The following ASB4 variants were observed in gnomAD, a reference collection of about 807,000 sequenced individuals.
ASB4 encodes ankyrin repeat and SOCS box protein 4.
Under a neutral mutation model 38.6 loss-of-function variants are expected in ASB4, and 35 were observed. The observed-to-expected ratio is 0.91, with a 90% confidence interval of 0.69 to 1.20. The LOEUF (loss-of-function observed/expected upper bound fraction) is 1.20. ASB4 is among the 50% of genes most tolerant of loss of function. The pLI is 0.00. For synonymous variants in ASB4, 195 were observed against 201.3 expected, an observed-to-expected ratio of 0.97 and a Z score of 0.26; for missense variants, 557 against 527.2, an observed-to-expected ratio of 1.06 and a Z score of -0.55.
In ASB4 at chr7:95,540,207, T is replaced by A. The variant is rs1473610574; in HGVS notation, c.*2448T>A. 1 of 152,190 alleles carries A rather than the reference T, an allele frequency of 6.6e-6. No individual in the cohort carries two copies. The highest frequency in any genetic ancestry group is 1.5e-5 in the Non-Finnish European group (1 of 68,030). 9.4% of individuals were successfully genotyped at this position (152,190 alleles called of 1,614,324 possible). A position where few individuals can be genotyped will look rare whatever the true frequency, so the allele number is the denominator to read the frequency against. The stretch of plus-strand genomic sequence containing the variant: ...TCTTTGAACTTTTATTTAGAGAACT[T>A]AAATAAAGCTCTTCTGTCTCCTTTC... On this transcript the variant is annotated 3_prime_UTR_variant, in exon 5 of 5. Coordinates refer to ENST00000325885, the MANE Select transcript of ASB4 (RefSeq NM_016116.3).
upstream of ASB4, among the ~76,000 whole-genome samples, chr7:95,476,420 C>T (rs1434336042): frequency 6.6e-6 from 1 of 152,108 alleles, no homozygotes; most frequent in Non-Finnish European, 1.5e-5. Flanking sequence ...ATAGAAAGCT[C>T]ACAGCCCATG....
intron 3 of ASB4, among the ~76,000 whole-genome samples, chr7:95,531,864 C>T (rs1456176116): frequency 6.6e-6 from 1 of 152,176 alleles, no homozygotes; most frequent in Non-Finnish European, 1.5e-5. Context: ...AGTAGGCATA[C>T]AATTTTGTGT....
intron 2 of ASB4, among the ~76,000 whole-genome samples, chr7:95,505,697 CCA>C (rs1381331312): frequency 7.1e-5 from 10 of 141,796 alleles, no homozygotes; most frequent in South Asian, 2.5e-4. Flanking sequence ...CCCCCCCCCC[CCA>C]AATACTTATT....
At chr7:95,482,525 G>C (rs1416599628), upstream of ASB4, among the ~76,000 whole-genome samples, 1 of 152,166 alleles carries the variant, frequency 6.6e-6, no homozygotes, top group East Asian at 1.9e-4. Flanking sequence ...TACAAAGACA[G>C]CCGTTGTGAG....
intron 4 of ASB4, 85 bp downstream of exon 4, chr7:95,536,635 G>A: frequency 1.9e-6 from 2 of 1,030,090 alleles, no homozygotes; most frequent in Admixed American, 4.8e-5. Flanking sequence ...TAACAAAAAA[G>A]TTGGTTTTGA....
chr7:95,485,498 A>G (rs1438354454), upstream of ASB4, among the ~76,000 whole-genome samples: 5 of 152,130 alleles, frequency 3.3e-5, no homozygotes, highest in Non-Finnish European at 7.4e-5. Context: ...TCATATTGCA[A>G]AATTATTACA....
At chr7:95,488,675 G>C (rs11971756) in intron 1 of ASB4, among the ~76,000 whole-genome samples, 55,302 of 152,036 alleles carry the variant, frequency 0.36, 10,753 homozygotes, top group East Asian at 0.73. Context: ...GACCTTGGAC[G>C]CTGTTGAACT....
At chr7:95,521,106 A>G (rs898787676) in intron 2 of ASB4, among the ~76,000 whole-genome samples, 4 of 152,188 alleles carry the variant, frequency 2.6e-5, no homozygotes, top group African/African-American at 7.2e-5. Flanking sequence ...TTATGAACAT[A>G]GTAAAACTTT....
chr7:95,493,175 A>G (rs1769865820), intron 1 of ASB4, among the ~76,000 whole-genome samples: 2 of 152,206 alleles, frequency 1.3e-5, no homozygotes, highest in Non-Finnish European at 2.9e-5. Flanking sequence ...TTAGCTGAAT[A>G]TAGATTCTTC....
At chr7:95,501,016 T>C (rs893462470) in intron 2 of ASB4, among the ~76,000 whole-genome samples, 1 of 152,216 alleles carries the variant, frequency 6.6e-6, no homozygotes, top group African/African-American at 2.4e-5. Context: ...TTAGATTTAG[T>C]TTTTATCTTT....
chr7:95,496,131 T>C, intron 2 of ASB4, 74 bp downstream of exon 2: 1 of 1,384,164 alleles, frequency 7.2e-7, no homozygotes, highest in Non-Finnish European at 1.0e-6. Flanking sequence ...GACCCCTACC[T>C]ACCCCAGATG....
At chr7:95,534,466 TC>T (rs745539840) in intron 3 of ASB4, among the ~76,000 whole-genome samples, 10 of 152,280 alleles carry the variant, frequency 6.6e-5, no homozygotes, top group Non-Finnish European at 1.3e-4. Flanking sequence ...CAAGTTGTAT[TC>T]TTTCTTCCTC....
At chr7:95,515,281 CTTTCTT>C (rs1585810242) in intron 2 of ASB4, among the ~76,000 whole-genome samples, 1 of 103,468 alleles carries the variant, frequency 9.7e-6, no homozygotes, top group Non-Finnish European at 2.0e-5. Context: ...TTCTTTCTTT[CTTTCTT>C]TCTTTCTTTC....
At chr7:95,498,449 T>A (rs1414351032) in intron 2 of ASB4, among the ~76,000 whole-genome samples, 1 of 152,228 alleles carries the variant, frequency 6.6e-6, no homozygotes. Context: ...TGACTAAGGA[T>A]GTTGAACATG....
chr7:95,515,303 TTC>T lies in ASB4; in HGVS notation c.488-12508_488-12507del, dbSNP rs781539523. ...TTTCTTTCTTTCTTTCTTTCTTTCT[TTC>T]TTTCTTTCTTTCTTCCTTCCTTCCT... is the stretch of plus-strand genomic sequence containing the variant. On this transcript the variant is annotated intron_variant, in intron 2 of 4. Transcript: ENST00000325885. Among the ~76,000 whole-genome samples the T allele has an allele frequency of 1.2e-3, 155 of 130,964 alleles. 1 individual carries two copies. Among genetic ancestry groups the T allele is most frequent in the Non-Finnish European group, 1.7e-3 (104 of 61,180 alleles). The allele number at this position is 130,964 out of a possible 152,430, so 85.9% of individuals were successfully genotyped here.
chr7:95,508,513 G>A (rs973525661), intron 2 of ASB4, among the ~76,000 whole-genome samples: 5 of 152,308 alleles, frequency 3.3e-5, no homozygotes, highest in East Asian at 1.9e-4. Flanking sequence ...AAGTCAAACA[G>A]AGAAACACTG....
Position 95,495,958 on chromosome 7 carries a change from G to A in ASB4, c.388G>A (p.Gly130Arg). 6.2e-7 allele frequency: 1 copy of A among 1,614,056 alleles called. No homozygotes were observed. Among genetic ancestry groups the A allele is most frequent in the Non-Finnish European group, 8.5e-7 (1 of 1,179,978 alleles). ...VDCVKILCDR[G>R]AKLNCYSLSG... is the part of the protein sequence containing the mutation. Reference sequence around the variant, plus strand: ...TTGTGTTAAGATCCTCTGTGATCGTGGGGCAAAGCTCAATTGCTACTCCTT... The same window carrying A: ...TTGTGTTAAGATCCTCTGTGATCGTAGGGCAAAGCTCAATTGCTACTCCTT... Residue 130 changes from glycine to arginine, a missense_variant, in exon 2 of 5, where the codon GGG becomes AGG. Transcript: ENST00000325885.
At chr7:95,521,109 A>C (rs1232590731) in intron 2 of ASB4, among the ~76,000 whole-genome samples, 1 of 152,176 alleles carries the variant, frequency 6.6e-6, no homozygotes, top group African/African-American at 2.4e-5. Flanking sequence ...TGAACATAGT[A>C]AAACTTTCCA....
intron 2 of ASB4, among the ~76,000 whole-genome samples, chr7:95,525,188 CA>C (rs1790720351): frequency 6.6e-6 from 1 of 152,122 alleles, no homozygotes; most frequent in African/African-American, 2.4e-5. Flanking sequence ...GATTCTCCTC[CA>C]AAGTCTCTGG....
Sources: gnomAD v4.1 joint callset for allele counts (sites outside exome capture counted in the v4.1 genomes callset) on GRCh38, gnomAD v4.1.1 for gene constraint, MANE v1.5 for transcripts, NCBI Gene and HGNC (gene_info 2026-07-23, HGNC 2026-07-21) for gene names.